EPHB2: variants seen among roughly 807,000 people sequenced by gnomAD.
EPHB2 encodes the protein EPH receptor B2, also known as ephrin type-B receptor 2.
EPHB2 carries 18 observed loss-of-function variants against 96.4 expected under a neutral mutation model. The observed-to-expected ratio is 0.19, with a 90% CI of 0.13 to 0.28. The LOEUF (loss-of-function observed/expected upper bound fraction) is 0.28, where lower values mean the gene tolerates loss of function less well. Ranked by LOEUF, EPHB2 falls within the 10% of genes least tolerant of loss-of-function variation. The pLI, the probability that EPHB2 is intolerant of heterozygous loss-of-function variation, is 1.00. For synonymous variants in EPHB2, 506 were observed against 534.1 expected (o/e 0.95, Z 0.72); for missense variants, 989 against 1,355.4 (o/e 0.73, Z 4.25).
intron 9 of EPHB2, among the ~76,000 whole-genome samples, chr1:22,904,311 A>AT (rs1193657453): frequency 3.3e-5 from 3 of 90,668 alleles, no homozygotes; most frequent in Non-Finnish European, 6.7e-5. Context: ...AAAAAAATTA[A>AT]TTAAAAAAAA....
chr1:22,796,901 C>T (rs1223462808), intron 3 of EPHB2, among the ~76,000 whole-genome samples: 1 of 152,206 alleles, frequency 6.6e-6, no homozygotes, highest in Non-Finnish European at 1.5e-5. Context: ...GGTTAAATAA[C>T]CAAGCCAAGG....
chr1:22,833,044 T>C (rs1570356986), intron 3 of EPHB2, among the ~76,000 whole-genome samples: 1 of 146,862 alleles, frequency 6.8e-6, no homozygotes, highest in Middle Eastern at 3.6e-3. Context: ...AGAGATGATA[T>C]TGATACAACC....
chr1:22,752,048 T>G (rs1644071074), intron 1 of EPHB2, among the ~76,000 whole-genome samples: 1 of 152,224 alleles, frequency 6.6e-6, no homozygotes, highest in East Asian at 1.9e-4. Flanking sequence ...TGGTCATTTC[T>G]CCACTCCCAG....
intron 1 of EPHB2, among the ~76,000 whole-genome samples, chr1:22,749,259 G>A (rs184567694): frequency 1.5e-4 from 23 of 152,228 alleles, no homozygotes; most frequent in African/African-American, 4.6e-4. Context: ...GACCTCAAGC[G>A]ATCTGCCCAC....
intron 1 of EPHB2, among the ~76,000 whole-genome samples, chr1:22,739,284 C>T (rs1167510435): frequency 1.3e-5 from 2 of 151,964 alleles, no homozygotes; most frequent in African/African-American, 4.8e-5. Flanking sequence ...GGCATGATCT[C>T]GGCTCACTGC....
chr1:22,771,208 G>T (rs1328816453), intron 1 of EPHB2, among the ~76,000 whole-genome samples: 1 of 152,212 alleles, frequency 6.6e-6, no homozygotes, highest in Non-Finnish European at 1.5e-5. Context: ...TTAGAGTCCA[G>T]TTGAGGGACA....
rs1248436190 is a variant in EPHB2 at position 22,913,701 on chromosome 1, A to T, written c.*131A>T. 1.2e-6 allele frequency: 2 copies of T among 1,602,394 alleles called. No homozygotes were observed. The highest frequency in any genetic ancestry group is 1.7e-6 in the Non-Finnish European group (2 of 1,174,620). On this transcript the variant is annotated 3_prime_UTR_variant, in exon 16 of 16. Transcript: ENST00000374630. The surrounding 1 kb of genome is among the most constrained non-coding windows in gnomAD (Gnocchi z 4.1). Reference sequence around the variant, plus strand: ...AGGCCACGGGCCACGGGAAGAACCAAGCGGTGCCAGCCACGAGACGTCACC... The same window carrying T: ...AGGCCACGGGCCACGGGAAGAACCATGCGGTGCCAGCCACGAGACGTCACC...
intron 6 of EPHB2, among the ~76,000 whole-genome samples, chr1:22,889,664 C>A (rs1639332002): frequency 6.6e-6 from 1 of 152,040 alleles, no homozygotes; most frequent in Non-Finnish European, 1.5e-5. Context: ...TCTGGGAAGT[C>A]TCCCCAGCAG....
At chr1:22,791,884 G>A (rs955718059) in intron 3 of EPHB2, among the ~76,000 whole-genome samples, 7 of 152,052 alleles carry the variant, frequency 4.6e-5, no homozygotes, top group African/African-American at 1.7e-4. Flanking sequence ...AGGGTCAAAG[G>A]GCATGTACTT....
chr1:22,842,873 G>A (rs961498375), intron 3 of EPHB2, among the ~76,000 whole-genome samples: 16 of 150,880 alleles, frequency 1.1e-4, no homozygotes, highest in Admixed American at 5.9e-4. Context: ...TGTCCTTCAG[G>A]TCTCAGCTCA....
chr1:22,892,221 A>T (rs309473), intron 6 of EPHB2, among the ~76,000 whole-genome samples: 69,081 of 151,902 alleles, frequency 0.45, 16,304 homozygotes, highest in Admixed American at 0.52. Flanking sequence ...CGCTTAACTC[A>T]TCAAGGCATA....
intron 3 of EPHB2, among the ~76,000 whole-genome samples, chr1:22,822,484 T>C (rs1645165942): frequency 6.6e-6 from 1 of 152,224 alleles, no homozygotes; most frequent in South Asian, 2.1e-4. Context: ...CCTGAAGTCA[T>C]CTAGCCCCTA....
chr1:22,910,322 C>T, intron 13 of EPHB2, 60 bp from the exon 14 acceptor site: 2 of 1,602,750 alleles, frequency 1.2e-6, no homozygotes, highest in Non-Finnish European at 1.7e-6. Flanking sequence ...ATGGGCCTGG[C>T]AGAGGGTAGA....
intron 1 of EPHB2, among the ~76,000 whole-genome samples, chr1:22,738,899 C>T (rs1381753479): frequency 6.6e-6 from 1 of 152,050 alleles, no homozygotes; most frequent in Admixed American, 6.5e-5. Context: ...GACCTGCAGC[C>T]CTGGGTCCTG....
At chr1:22,905,877 G>T (rs1639894654) in intron 9 of EPHB2, 110 bp from the exon 10 acceptor site, 7 of 1,568,724 alleles carry the variant, frequency 4.5e-6, no homozygotes, top group Non-Finnish European at 6.1e-6. Context: ...CAGTTCTTAT[G>T]GGGGCCACAT....
intron 11 of EPHB2, 72 bp from the exon 12 acceptor site, chr1:22,907,881 A>G (rs1639966926): frequency 1.1e-5 from 17 of 1,572,720 alleles, no homozygotes; most frequent in Non-Finnish European, 1.5e-5. Context: ...CTGGTTTCCC[A>G]TTATGAGGAT....
intron 3 of EPHB2, among the ~76,000 whole-genome samples, chr1:22,843,731 G>A (rs903524803): frequency 1.3e-5 from 2 of 152,170 alleles, no homozygotes; most frequent in Non-Finnish European, 2.9e-5. Flanking sequence ...AATAGAGACA[G>A]GGTTTTACCA....
At chr1:22,727,696 T>A (rs1643611602) in intron 1 of EPHB2, among the ~76,000 whole-genome samples, 1 of 151,558 alleles carries the variant, frequency 6.6e-6, no homozygotes, top group African/African-American at 2.4e-5. Context: ...TAAGTTGGTG[T>A]CTCCCTTTTC....
chr1:22,744,877 A>C (rs1643950641), intron 1 of EPHB2, among the ~76,000 whole-genome samples: 2 of 151,972 alleles, frequency 1.3e-5, no homozygotes, highest in Non-Finnish European at 2.9e-5. Flanking sequence ...AAAGAAAAAA[A>C]GAAAATCACA....
Sources: allele counts gnomAD v4.1 joint callset (sites outside exome capture counted in the v4.1 genomes callset), GRCh38; gene constraint gnomAD v4.1.1; non-coding constraint Gnocchi (gnomAD v3.1); transcripts MANE v1.5; gene names NCBI Gene and HGNC (gene_info 2026-07-23, HGNC 2026-07-21).